MTHFD2L: variants seen among roughly 807,000 people sequenced by gnomAD.
MTHFD2L encodes the protein methylenetetrahydrofolate dehydrogenase (NADP+ dependent) 2 like, also known as bifunctional methylenetetrahydrofolate dehydrogenase/cyclohydrolase 2, mitochondrial.
In MTHFD2L, 29 loss-of-function variants were observed where a neutral mutation model predicts 34.9. That is an observed-to-expected ratio of 0.83 (90% confidence interval 0.62 to 1.13). The LOEUF (loss-of-function observed/expected upper bound fraction) is 1.13, where lower values mean the gene tolerates loss of function less well. Among genes scored for constraint, MTHFD2L ranks in the 50% most tolerant of loss-of-function variants. The probability of loss-of-function intolerance (pLI) is 0.00; values close to 1 mark genes in which losing one functional copy is unlikely to be tolerated. For missense variants in MTHFD2L, 481 were observed against 446.5 expected (o/e 1.08, Z -0.70); for synonymous variants, 167 against 155.7 (o/e 1.07, Z -0.54).
chr4:74,215,970 A>AT, intron 5 of MTHFD2L, among the ~76,000 whole-genome samples: 1 of 138,732 alleles, frequency 7.2e-6, no homozygotes, highest in East Asian at 2.1e-4. Context: ...GTTAGCAGGA[A>AT]AAAAAAAAAT....
chr4:74,286,066 A>G (rs959298230), intron 7 of MTHFD2L, among the ~76,000 whole-genome samples: 3 of 152,142 alleles, frequency 2.0e-5, no homozygotes, highest in Non-Finnish European at 2.9e-5. Context: ...ATAGGACCTT[A>G]AAGTTATTAC....
chr4:74,199,161 C>G (rs1483130832), intron 3 of MTHFD2L, among the ~76,000 whole-genome samples: 1 of 151,960 alleles, frequency 6.6e-6, no homozygotes, highest in Non-Finnish European at 1.5e-5. Flanking sequence ...TGATTGGCAT[C>G]CCATATTTCA....
upstream of MTHFD2L, chr4:74,157,657 A>G (rs755396763): frequency 1.6e-4 from 73 of 456,844 alleles, no homozygotes; most frequent in South Asian, 3.6e-4. Context: ...CTTTTCTCCA[A>G]CTTCCAAGGA....
intron 7 of MTHFD2L, among the ~76,000 whole-genome samples, chr4:74,286,281 T>A (rs1254657315): frequency 6.6e-6 from 1 of 152,212 alleles, no homozygotes; most frequent in African/African-American, 2.4e-5. Flanking sequence ...AAGAATTATT[T>A]TTCATTACTA....
At chr4:74,238,261 G>T (rs534934177) in intron 6 of MTHFD2L, among the ~76,000 whole-genome samples, 1 of 152,162 alleles carries the variant, frequency 6.6e-6, no homozygotes, top group African/African-American at 2.4e-5. Context: ...AAATAGAGCA[G>T]TTCTGAGAAG....
chr4:74,141,170 T>C (rs1224321618), intron 1 of MTHFD2L, among the ~76,000 whole-genome samples: 1 of 152,208 alleles, frequency 6.6e-6, no homozygotes. Context: ...AGTTTACTGG[T>C]GCTCTAAGTA....
chr4:74,130,690 C>T (rs1722427057), intron 1 of MTHFD2L, among the ~76,000 whole-genome samples: 2 of 152,092 alleles, frequency 1.3e-5, no homozygotes, highest in South Asian at 2.1e-4. Flanking sequence ...ACAAGGATGC[C>T]CTCTCTCACC....
At chr4:74,233,934 C>T (rs1740466990) in intron 6 of MTHFD2L, among the ~76,000 whole-genome samples, 1 of 151,834 alleles carries the variant, frequency 6.6e-6, no homozygotes, top group South Asian at 2.1e-4. Context: ...CTTCTCTCAA[C>T]ACATATATAT....
chr4:74,278,338 A>T (rs1746959004), intron 6 of MTHFD2L, among the ~76,000 whole-genome samples: 1 of 152,138 alleles, frequency 6.6e-6, no homozygotes, highest in Admixed American at 6.6e-5. Context: ...ACTTCATGAG[A>T]ATTATACATT....
chr4:74,129,318 T>C (rs1275682505), intron 1 of MTHFD2L, among the ~76,000 whole-genome samples: 1 of 152,080 alleles, frequency 6.6e-6, no homozygotes, highest in African/African-American at 2.4e-5. Flanking sequence ...ATCATCCTTA[T>C]TCTAAAATTG....
At chr4:74,144,220 A>G (rs1723449064) in intron 1 of MTHFD2L, among the ~76,000 whole-genome samples, 1 of 152,172 alleles carries the variant, frequency 6.6e-6, no homozygotes, top group South Asian at 2.1e-4. Context: ...TGGGAGGCTG[A>G]GGCAGGTGGA....
At chr4:74,245,636 C>T (rs1032912597) in intron 6 of MTHFD2L, among the ~76,000 whole-genome samples, 3 of 151,898 alleles carry the variant, frequency 2.0e-5, no homozygotes, top group African/African-American at 7.3e-5. Context: ...CCTCCCCCTA[C>T]CCCACAACAG....
In MTHFD2L at chr4:74,127,442, T is replaced by A. The variant is rs934616111; in HGVS notation, c.-297+1925T>A. The stretch of plus-strand genomic sequence containing the variant: ...TTGGCCTTGGTAACCATCAATCTAC[T>A]CTCTATCTTCATGATATCTACTTTT... On this transcript the variant is annotated intron_variant, in intron 1 of 7. Coordinates refer to the MTHFD2L transcript ENST00000433372. Among the ~76,000 whole-genome samples, 15 of 152,138 alleles carry A rather than the reference T, an allele frequency of 9.9e-5. 1 individual carries two copies. The highest frequency in any genetic ancestry group is 2.2e-4 in the Non-Finnish European group (15 of 68,026).
chr4:74,130,012 T>TAA (rs1038733462), intron 1 of MTHFD2L, among the ~76,000 whole-genome samples: 2 of 152,056 alleles, frequency 1.3e-5, no homozygotes, highest in African/African-American at 4.8e-5. Flanking sequence ...CCTGGACACA[T>TAA]ACACCCTCCC....
intron 5 of MTHFD2L, among the ~76,000 whole-genome samples, chr4:74,204,734 A>T (rs1490109711): frequency 6.6e-6 from 1 of 152,178 alleles, no homozygotes; most frequent in Non-Finnish European, 1.5e-5. Flanking sequence ...TACCTCTTTT[A>T]TATGCAATTT....
chr4:74,156,679 A>G (rs780806976), upstream of MTHFD2L: 12 of 152,214 alleles, frequency 7.9e-5, no homozygotes, highest in Non-Finnish European at 1.5e-4. Context: ...CCAACAATGA[A>G]TGAGAGTTCC....
upstream of MTHFD2L, among the ~76,000 whole-genome samples, chr4:74,122,241 T>G (rs904285342): frequency 6.6e-6 from 1 of 152,202 alleles, no homozygotes; most frequent in African/African-American, 2.4e-5. Flanking sequence ...GAAAAGAGGT[T>G]TAATTGACTC....
intron 6 of MTHFD2L, among the ~76,000 whole-genome samples, chr4:74,254,172 A>G (rs1449148857): frequency 6.6e-6 from 1 of 152,220 alleles, no homozygotes; most frequent in Non-Finnish European, 1.5e-5. Flanking sequence ...GCAGAGGGAA[A>G]TGAATATCAA....
At chr4:74,167,259 C>T (rs1473115480) in intron 1 of MTHFD2L, among the ~76,000 whole-genome samples, 3 of 152,192 alleles carry the variant, frequency 2.0e-5, no homozygotes, top group Non-Finnish European at 4.4e-5. Flanking sequence ...CCGGATGGCC[C>T]ATCAAGAATC....
Sources: allele counts gnomAD v4.1 joint callset (sites outside exome capture counted in the v4.1 genomes callset), GRCh38; gene constraint gnomAD v4.1.1; transcripts MANE v1.5; gene names NCBI Gene and HGNC (gene_info 2026-07-23, HGNC 2026-07-21).